Variants in RBM25 observed in about 807,000 individuals in gnomAD.
RBM25 encodes the protein RNA binding motif protein 25, also known as RNA-binding protein 25.
Under a neutral mutation model 120.7 loss-of-function variants are expected in RBM25, and 19 were observed. The ratio of observed to expected loss-of-function variants is 0.16; its 90% CI spans 0.11 to 0.23. RBM25 has a LOEUF of 0.23. Among genes scored for constraint, RBM25 ranks in the 10% least tolerant of loss-of-function variants. The pLI, the probability that RBM25 is intolerant of heterozygous loss-of-function variation, is 1.00. For missense variants in RBM25, 605 were observed against 1,041.5 expected, an observed-to-expected ratio of 0.58 and a Z score of 5.77; for synonymous variants, 390 against 326.7, an observed-to-expected ratio of 1.19 and a Z score of -2.09.
chr14:73,084,115 C>G (rs1408697602), intron 5 of RBM25, among the ~76,000 whole-genome samples: 1 of 151,970 alleles, frequency 6.6e-6, no homozygotes, highest in Non-Finnish European at 1.5e-5. Context: ...CCAGGCTGGT[C>G]TCAAACTCCT....
intron 2 of RBM25, among the ~76,000 whole-genome samples, chr14:73,072,954 C>T (rs1895329252): frequency 6.6e-6 from 1 of 151,894 alleles, no homozygotes; most frequent in South Asian, 2.1e-4. Context: ...TTGGGCGAGG[C>T]CTCACTTTGT....
Position 73,106,255 on chromosome 14 carries a change from T to C in RBM25, c.1437T>C (p.Ala479=), listed in dbSNP as rs1200554114. The part of the protein sequence containing the change: ...RKKTREYEKE[A]EREEERRREM... ...AAACCCGGGAATATGAGAAAGAAGCTGAAAGAGAAGAAGAAAGAAGAAGAG... is the reference window on the plus strand; with the variant it reads ...AAACCCGGGAATATGAGAAAGAAGCCGAAAGAGAAGAAGAAAGAAGAAGAG... Residue 479 remains alanine, a synonymous_variant, in exon 12 of 19, where the codon GCT becomes GCC. Coordinates refer to ENST00000261973, the MANE Select transcript of RBM25 (RefSeq NM_021239.3). 5 of 1,591,628 alleles carry C rather than the reference T, an allele frequency of 3.1e-6. No homozygotes were observed. Among genetic ancestry groups the C allele is most frequent in the African/African-American group, 1.4e-5 (1 of 73,470 alleles).
intron 18 of RBM25, 35 bp downstream of exon 18, chr14:73,114,368 A>G (rs1327807679): frequency 1.3e-6 from 2 of 1,494,870 alleles, no homozygotes; most frequent in Non-Finnish European, 1.8e-6. Flanking sequence ...ATTTCTTTTA[A>G]TTTAAAAAAA....
intron 9 of RBM25, 182 bp from the exon 10 acceptor site, chr14:73,103,009 TG>T: frequency 7.7e-7 from 1 of 1,306,350 alleles, no homozygotes; most frequent in Non-Finnish European, 1.0e-6. Context: ...TATATGGTTT[TG>T]CACGAAATCT....
intron 1 of RBM25, among the ~76,000 whole-genome samples, chr14:73,059,798 C>G (rs1248233886): frequency 6.6e-6 from 1 of 151,998 alleles, no homozygotes; most frequent in South Asian, 2.1e-4. Context: ...AACTTAAAGC[C>G]TTGGTTTTTC....
intron 6 of RBM25, among the ~76,000 whole-genome samples, chr14:73,088,824 A>G (rs909477380): frequency 2.0e-5 from 3 of 152,216 alleles, no homozygotes; most frequent in African/African-American, 7.2e-5. Flanking sequence ...GCTGTCGTCA[A>G]ATTTTTATTA....
intron 5 of RBM25, among the ~76,000 whole-genome samples, chr14:73,085,783 G>A (rs1393862854): frequency 6.6e-6 from 1 of 152,166 alleles, no homozygotes; most frequent in Non-Finnish European, 1.5e-5. Context: ...CAGGATAGAT[G>A]CACTGGCTTG....
intron 7 of RBM25, among the ~76,000 whole-genome samples, chr14:73,097,783 G>C (rs936623877): frequency 6.6e-6 from 1 of 152,114 alleles, no homozygotes; most frequent in Non-Finnish European, 1.5e-5. Context: ...AACAATAATG[G>C]TATTGAATAA....
intron 1 of RBM25, among the ~76,000 whole-genome samples, chr14:73,062,533 A>G (rs940528610): frequency 1.3e-5 from 2 of 151,480 alleles, no homozygotes; most frequent in East Asian, 1.9e-4. Flanking sequence ...AGGAATGCTT[A>G]TTAGCAGTGT....
chr14:73,117,205 C>CTTTTATTTTTT (rs1896448964), intron 18 of RBM25, among the ~76,000 whole-genome samples: 3 of 36,562 alleles, frequency 8.2e-5, no homozygotes, highest in African/African-American at 3.1e-4. Context: ...TTTCTTTCTT[C>CTTTTATTTTTT]TTTTCTTTTT....
At chr14:73,114,378 A>G in intron 18 of RBM25, 45 bp downstream of exon 18, 2 of 1,455,762 alleles carry the variant, frequency 1.4e-6, no homozygotes, top group Non-Finnish European at 1.9e-6. Context: ...ATTTAAAAAA[A>G]GTTTTTGGTT....
At chr14:73,073,214 C>T (rs372471519) in intron 2 of RBM25, among the ~76,000 whole-genome samples, 2 of 152,250 alleles carry the variant, frequency 1.3e-5, no homozygotes, top group East Asian at 1.9e-4. Context: ...CAGATGTGAG[C>T]CCCTGCACCT....
chr14:73,088,554 A>G, intron 6 of RBM25: 1 of 362,098 alleles, frequency 2.8e-6, no homozygotes, highest in African/African-American at 2.1e-5. Context: ...TCTAAAATGA[A>G]TGAAAGTCTG....
chr14:73,110,040 A>G (rs1039388941), intron 14 of RBM25, among the ~76,000 whole-genome samples: 1 of 150,024 alleles, frequency 6.7e-6, no homozygotes, highest in Admixed American at 6.6e-5. Context: ...ACGTGCCACC[A>G]CTCCTGACTA....
intron 9 of RBM25, chr14:73,101,475 T>TATA (rs1896054514): frequency 8.2e-5 from 1 of 12,260 alleles, no homozygotes; most frequent in South Asian, 4.3e-3. Context: ...AATATACATG[T>TATA]ATGTTTACAT....
At chr14:73,080,303 A>G (rs1300035027) in intron 4 of RBM25, among the ~76,000 whole-genome samples, 1 of 134,610 alleles carries the variant, frequency 7.4e-6, no homozygotes, top group Non-Finnish European at 1.5e-5. Context: ...GGCTCACTGC[A>G]AGCTCCGCCT....
At chr14:73,081,225 C>CAG (rs57891035) in intron 4 of RBM25, among the ~76,000 whole-genome samples, 15,886 of 151,968 alleles carry the variant, frequency 0.1, 2,240 homozygotes, top group African/African-American at 0.32. Context: ...CTGCAACCTC[C>CAG]GCCTCCCGGG....
At chr14:73,117,219 T>C (rs1168548083) in intron 18 of RBM25, among the ~76,000 whole-genome samples, 335 of 33,486 alleles carry the variant, frequency 0.01, 3 homozygotes, top group African/African-American at 0.032. Context: ...TCTTTTTTTT[T>C]TTTTTTTTTT....
chr14:73,109,788 C>A (rs1896268883), intron 14 of RBM25, among the ~76,000 whole-genome samples: 1 of 152,122 alleles, frequency 6.6e-6, no homozygotes, highest in African/African-American at 2.4e-5. Context: ...GCCCCTGACT[C>A]CTGGGTTCAA....
Sources: gnomAD v4.1 joint callset for allele counts (sites outside exome capture counted in the v4.1 genomes callset) on GRCh38, gnomAD v4.1.1 for gene constraint, MANE v1.5 for transcripts, NCBI Gene and HGNC (gene_info 2026-07-23, HGNC 2026-07-21) for gene names.